Variants in CNBD1 observed in about 807,000 individuals in gnomAD.
CNBD1 encodes the protein cyclic nucleotide-binding domain-containing protein 1.
In CNBD1, 71 loss-of-function variants were observed where a neutral mutation model predicts 54.4. The ratio of observed to expected loss-of-function variants is 1.30; its 90% confidence interval spans 1.08 to 1.59. The LOEUF is 1.59. Among genes scored for constraint, CNBD1 ranks in the 40% most tolerant of loss-of-function variants. The probability of loss-of-function intolerance (pLI) is 0.00; values close to 1 mark genes in which losing one functional copy is unlikely to be tolerated. For missense variants in CNBD1, 659 were observed against 518.0 expected (o/e 1.27, Z -2.64); for synonymous variants, 182 against 170.7 (o/e 1.07, Z -0.51).
intron 6 of CNBD1, among the ~76,000 whole-genome samples, chr8:87,239,364 T>C (rs1030076149): frequency 2.0e-5 from 3 of 152,186 alleles, no homozygotes; most frequent in African/African-American, 7.2e-5. Flanking sequence ...TTCCCTATTT[T>C]AAAAATTTGC....
rs561026350 is a variant in CNBD1, at chr8:87,236,932, T to A, written c.591T>A (p.Asp197Glu). Residue 197 changes from aspartate (D) to glutamate (E), a missense_variant, in exon 6 of 11, where the codon GAT (aspartate) becomes GAA (glutamate). Coordinates refer to ENST00000518476, the MANE Select transcript of CNBD1 (RefSeq NM_173538.3). ...WLKGSTVVAN[D>E]GFYVILKGLA... ...TGTTTTTTTCAGTGGTTGCAAATGA[T>A]GGATTTTATGTAATACTGAAAGGCC... 1 of 1,591,160 alleles carries A rather than the reference T, an allele frequency of 6.3e-7. No homozygotes were observed. Among genetic ancestry groups the A allele is most frequent in the African/African-American group, 1.4e-5 (1 of 73,698 alleles).
chr8:87,248,377 C>G (rs1052431452), intron 6 of CNBD1, among the ~76,000 whole-genome samples: 15 of 152,220 alleles, frequency 9.9e-5, no homozygotes, highest in African/African-American at 2.9e-4. Context: ...TCAACCTTCA[C>G]CAGTAGTAAA....
At chr8:87,286,468 TTATC>T in intron 7 of CNBD1, 67 bp from the exon 8 acceptor site, 1 of 890,860 alleles carries the variant, frequency 1.1e-6, no homozygotes, top group Non-Finnish European at 1.8e-6. Flanking sequence ...CTCTCACCAT[TTATC>T]TATTTGCTAT....
At chr8:87,070,761 A>T (rs1406030979) in intron 4 of CNBD1, among the ~76,000 whole-genome samples, 1 of 152,060 alleles carries the variant, frequency 6.6e-6, no homozygotes, top group African/African-American at 2.4e-5. Context: ...TGCTTTTGGC[A>T]TTTATTAACC....
At chr8:87,232,621 A>G (rs1296070370) in intron 5 of CNBD1, among the ~76,000 whole-genome samples, 1 of 152,166 alleles carries the variant, frequency 6.6e-6, no homozygotes, top group Admixed American at 6.5e-5. Flanking sequence ...CAAAATTAAA[A>G]AATAAATTTA....
chr8:87,235,909 A>T (rs995934280), intron 5 of CNBD1, among the ~76,000 whole-genome samples: 1 of 152,132 alleles, frequency 6.6e-6, no homozygotes, highest in African/African-American at 2.4e-5. Flanking sequence ...TTAAGCTCAG[A>T]CATCCAAGCA....
intron 4 of CNBD1, among the ~76,000 whole-genome samples, chr8:87,024,634 A>G (rs578194018): frequency 1.2e-4 from 19 of 152,140 alleles, no homozygotes; most frequent in African/African-American, 4.1e-4. Flanking sequence ...GAGCCACCAC[A>G]CCCAGCCAGG....
intron 6 of CNBD1, among the ~76,000 whole-genome samples, chr8:87,267,290 A>C (rs72666811): frequency 0.23 from 34,913 of 152,014 alleles, 4,681 homozygotes; most frequent in Admixed American, 0.33. Flanking sequence ...AATAATTTGT[A>C]CATTTAAAAA....
chr8:86,918,987 G>A (rs2131822653), intron 3 of CNBD1, among the ~76,000 whole-genome samples: 1 of 150,376 alleles, frequency 6.6e-6, no homozygotes, highest in South Asian at 2.1e-4. Context: ...AAGAACATGT[G>A]GTATTTGATT....
intron 4 of CNBD1, among the ~76,000 whole-genome samples, chr8:87,180,590 G>A (rs1351983624): frequency 6.6e-6 from 1 of 151,990 alleles, no homozygotes; most frequent in African/African-American, 2.4e-5. Flanking sequence ...ACATATTTTT[G>A]TTATATATTA....
chr8:87,235,697 A>T (rs551554618), intron 5 of CNBD1, among the ~76,000 whole-genome samples: 2 of 152,306 alleles, frequency 1.3e-5, no homozygotes, highest in East Asian at 3.9e-4. Flanking sequence ...AAAAGTTTGA[A>T]ATATTGTGAG....
chr8:87,178,581 G>C (rs530032221), intron 4 of CNBD1, among the ~76,000 whole-genome samples: 1 of 152,294 alleles, frequency 6.6e-6, no homozygotes, highest in Non-Finnish European at 1.5e-5. Flanking sequence ...TTTTTACTTG[G>C]AGTCTGATGG....
At chr8:87,415,881 A>T (rs1273148806) in intron 2 of CNBD1, among the ~76,000 whole-genome samples, 1 of 152,028 alleles carries the variant, frequency 6.6e-6, no homozygotes, top group Non-Finnish European at 1.5e-5. Context: ...ATTAAAACCA[A>T]ATAAGAATCA....
At chr8:87,289,779 C>T (rs1435669803) in intron 8 of CNBD1, among the ~76,000 whole-genome samples, 2 of 152,010 alleles carry the variant, frequency 1.3e-5, no homozygotes, top group Non-Finnish European at 2.9e-5. Flanking sequence ...GCTCTACATC[C>T]CTTCAATTTT....
intron 3 of CNBD1, among the ~76,000 whole-genome samples, chr8:86,934,800 C>T (rs910402232): frequency 3.9e-5 from 6 of 151,998 alleles, no homozygotes; most frequent in Non-Finnish European, 7.4e-5. Context: ...TCCCAAATAG[C>T]GTAGGCTTTG....
chr8:87,014,526 G>T (rs61587558), intron 4 of CNBD1, among the ~76,000 whole-genome samples: 9,352 of 151,816 alleles, frequency 0.062, 918 homozygotes, highest in African/African-American at 0.21. Context: ...GCTATAAAAA[G>T]GGTTTATAGA....
chr8:87,018,645 A>C (rs193016416), intron 4 of CNBD1, among the ~76,000 whole-genome samples: 25 of 152,212 alleles, frequency 1.6e-4, no homozygotes, highest in African/African-American at 5.5e-4. Flanking sequence ...TTTACTTCCA[A>C]AAAAACCAAG....
At chr8:87,373,561 T>C (rs116871435) in intron 10 of CNBD1, among the ~76,000 whole-genome samples, 330 of 151,964 alleles carry the variant, frequency 2.2e-3, no homozygotes, top group Middle Eastern at 6.8e-3. Flanking sequence ...GGACTTTAGA[T>C]GACTGGTATG....
chr8:87,399,228 G>C (rs1460177725), intron 2 of CNBD1, among the ~76,000 whole-genome samples: 1 of 151,918 alleles, frequency 6.6e-6, no homozygotes, highest in Non-Finnish European at 1.5e-5. Context: ...ATGAGACATG[G>C]TACTCAATAA....
Sources: allele counts gnomAD v4.1 joint callset (sites outside exome capture counted in the v4.1 genomes callset), GRCh38; gene constraint gnomAD v4.1.1; transcripts MANE v1.5; gene names NCBI Gene and HGNC (gene_info 2026-07-23, HGNC 2026-07-21).